Variants in ANKRD26 observed in about 807,000 individuals in gnomAD.
ANKRD26 encodes the protein ankyrin repeat domain-containing protein 26.
A neutral mutation model predicts 208.7 loss-of-function variants in ANKRD26; 141 were observed. The ratio of observed to expected loss-of-function variants is 0.68; its 90% CI spans 0.59 to 0.78. ANKRD26 has a LOEUF of 0.78. Ranked by LOEUF, ANKRD26 falls within the 30% of genes least tolerant of loss-of-function variation. The probability of loss-of-function intolerance (pLI) is 0.00; values close to 1 mark genes in which losing one functional copy is unlikely to be tolerated. For missense variants in ANKRD26, 1,889 were observed against 1,938.7 expected, an observed-to-expected ratio of 0.97 and a Z score of 0.48; for synonymous variants, 636 against 660.4, an observed-to-expected ratio of 0.96 and a Z score of 0.57.
the ANKRD26 span, among the ~76,000 whole-genome samples, chr10:26,964,771 C>T: frequency 1.3e-5 from 2 of 152,164 alleles, no homozygotes; most frequent in Non-Finnish European, 2.9e-5. Context: ...TTAGGGGTGA[C>T]ATTTAAGGAT....
intron 22 of ANKRD26, 129 bp from the exon 23 acceptor site, chr10:27,037,452 C>T (rs1203775013): frequency 3.0e-6 from 3 of 999,090 alleles, no homozygotes; most frequent in African/African-American, 3.3e-5. Flanking sequence ...ACCTTTATTA[C>T]TCAAGAATTA....
At chr10:26,976,359 T>C (rs2052227077) in intron 5 of ANKRD26, among the ~76,000 whole-genome samples, 2 of 152,090 alleles carry the variant, frequency 1.3e-5, no homozygotes, top group Non-Finnish European at 2.9e-5. Context: ...GGATTACAGG[T>C]GCCCACCACC....
Position 27,035,599 on chromosome 10 carries a change from C to A in ANKRD26, c.2851G>T (p.Glu951Ter), listed in dbSNP as rs1291484492. 1.2e-6 allele frequency: 2 copies of A among 1,605,850 alleles called. No individual in the cohort carries two copies. Among genetic ancestry groups the A allele is most frequent in the African/African-American group, 2.7e-5 (2 of 74,344 alleles). The change falls in exon 24 of 34, where the codon GAA becomes TAA. Residue 951 changes from glutamate (E) to a stop codon, truncating the protein, a stop_gained. Transcript: ENST00000376087. LOFTEE classifies it high-confidence loss of function. ...GTCTTCTGAAGGTCTTCATTCTTTT[C>A]TTTTACAATTTTAAGGTCCTCAAAA... ...KCFEDLKIVK[E>*]KNEDLQKTIK...
At chr10:26,970,751 G>C (rs1330546716), downstream of ANKRD26, among the ~76,000 whole-genome samples, 4 of 152,140 alleles carry the variant, frequency 2.6e-5, no homozygotes, top group Non-Finnish European at 5.9e-5. Context: ...TAGATTAAAA[G>C]GTTCAAGGAA....
chr10:27,002,279 T>C (rs145830226), downstream of ANKRD26, among the ~76,000 whole-genome samples: 73 of 152,226 alleles, frequency 4.8e-4, no homozygotes, highest in Middle Eastern at 3.4e-3. Context: ...CACAAGAGGA[T>C]TGAACAAATC....
intron 9 of ANKRD26, among the ~76,000 whole-genome samples, chr10:27,072,689 GCA>G (rs1283133767): frequency 2.6e-5 from 4 of 152,198 alleles, no homozygotes; most frequent in African/African-American, 9.6e-5. Context: ...CACAACGTCT[GCA>G]AGCACAATGA....
chr10:27,022,788 G>A (rs1274315117), intron 28 of ANKRD26, 101 bp from the exon 29 acceptor site: 1 of 1,080,698 alleles, frequency 9.3e-7, no homozygotes, highest in Middle Eastern at 2.7e-4. Context: ...AAAAACAAAT[G>A]AATCATGATT....
chr10:27,052,199 GTTAAAC>G (rs1437400488), intron 16 of ANKRD26: 1 of 971,212 alleles, frequency 1.0e-6, no homozygotes, highest in African/African-American at 1.8e-5. Context: ...AAATTCAACT[GTTAAAC>G]TTAGTCTATG....
rs749332341 is a variant in ANKRD26 at position 27,029,341 on chromosome 10, C to A, written c.3823G>T (p.Asp1275Tyr). The A allele has an allele frequency of 5.0e-6, 8 of 1,612,398 alleles. No homozygotes were observed. Among genetic ancestry groups the A allele is most frequent in the Non-Finnish European group, 5.9e-6 (7 of 1,179,134 alleles). Reference protein sequence around the residue: ...QIRNQLQEAQDRHTEAVRCAE... With the variant: ...QIRNQLQEAQYRHTEAVRCAE... ...CATCTGACAGCTTCTGTATGTCGAT[C>A]CTGTGCTTCTTGCAACTAAAACAAA... is the stretch of plus-strand genomic sequence containing the variant. The change falls in exon 26 of 34, where the codon GAT becomes TAT. Residue 1275 changes from aspartate to tyrosine, a missense_variant. Coordinates refer to ENST00000376087, the MANE Select transcript of ANKRD26 (RefSeq NM_014915.3).
chr10:27,100,484 C>T lies in ANKRD26; in HGVS notation c.-158G>A, dbSNP rs1443566100. ...CCTCCGGGTTACCAAGCAAGCGATCCCGCTAGACACAAGTGCGCATGCGCA... is the reference window on the plus strand; with the variant it reads ...CCTCCGGGTTACCAAGCAAGCGATCTCGCTAGACACAAGTGCGCATGCGCA... On this transcript the variant is annotated 5_prime_UTR_variant, in exon 1 of 34. Coordinates refer to ENST00000376087, the MANE Select transcript of ANKRD26 (RefSeq NM_014915.3). 4 of 1,140,514 alleles carry T rather than the reference C, an allele frequency of 3.5e-6. No homozygotes were observed. The highest frequency in any genetic ancestry group is 4.8e-6 in the Non-Finnish European group (4 of 825,908). 70.6% of individuals were successfully genotyped at this position (1,140,514 alleles called of 1,614,324 possible).
intron 5 of ANKRD26, among the ~76,000 whole-genome samples, chr10:27,084,024 G>A (rs927683793): frequency 1.3e-5 from 2 of 151,916 alleles, no homozygotes; most frequent in Non-Finnish European, 1.5e-5. Flanking sequence ...ACCAGCCTGA[G>A]CAACATGGAG....
the ANKRD26 span, among the ~76,000 whole-genome samples, chr10:26,960,054 C>G: frequency 6.6e-6 from 1 of 151,474 alleles, no homozygotes; most frequent in Admixed American, 6.6e-5. Flanking sequence ...TTCAGCTACT[C>G]AAGAAGCTGA....
chr10:26,948,264 A>C, the ANKRD26 span, among the ~76,000 whole-genome samples: 2 of 152,344 alleles, frequency 1.3e-5, no homozygotes, highest in African/African-American at 2.4e-5. Context: ...GAAATTCATC[A>C]GGGTCCTGGG....
At chr10:27,072,900 C>T (rs1260058849) in intron 9 of ANKRD26, among the ~76,000 whole-genome samples, 1 of 152,214 alleles carries the variant, frequency 6.6e-6, no homozygotes, top group East Asian at 1.9e-4. Context: ...CCTTCCCACC[C>T]TATCAGAGCA....
In ANKRD26 at chr10:27,034,780, C is replaced by T. The variant is rs920909633; in HGVS notation, c.3654+16G>A. The T allele has an allele frequency of 3.2e-6, 5 of 1,557,116 alleles. No individual in the cohort carries two copies. The African/African-American group carries it at 6.8e-5, about 21-fold the overall frequency. ...TTCAGGAGGTTTGAAAAATATTTAT[C>T]TTTCTTGATACTTACTTCTCTTTCT... is the stretch of plus-strand genomic sequence containing the variant. On this transcript the variant is annotated intron_variant, in intron 24 of 33. Transcript: ENST00000376087.
At chr10:26,964,317 T>C in the ANKRD26 span, among the ~76,000 whole-genome samples, 4 of 152,298 alleles carry the variant, frequency 2.6e-5, no homozygotes, top group East Asian at 1.9e-4. Context: ...CACTCCAGAC[T>C]GATTTTTAAG....
the ANKRD26 span, among the ~76,000 whole-genome samples, chr10:26,961,411 T>C: frequency 2.0e-5 from 3 of 152,184 alleles, no homozygotes; most frequent in African/African-American, 7.2e-5. Context: ...ATGACTTCCA[T>C]AGAGCAAAGT....
At chr10:27,093,239 C>T (rs1418603805) in intron 3 of ANKRD26, 110 bp downstream of exon 3, 7 of 997,438 alleles carry the variant, frequency 7.0e-6, no homozygotes, top group Non-Finnish European at 1.1e-5. Flanking sequence ...AAAATACTTT[C>T]AGTCAGGGAA....
At position 27,035,403 on chromosome 10, in the gene ANKRD26, G is replaced by A; in HGVS notation, c.3047C>T (p.Ala1016Val). 1 of 1,613,846 alleles carries A rather than the reference G, an allele frequency of 6.2e-7. No individual in the cohort carries two copies. Among genetic ancestry groups the A allele is most frequent in the African/African-American group, 1.3e-5 (1 of 75,008 alleles). The change falls in exon 24 of 34, where the codon GCT becomes GTT. Residue 1016 changes from alanine (A) to valine (V), a missense_variant. Around this residue, in one of 3 missense-constraint regions of ANKRD26, gnomAD observed 1,272 missense variants for 1,273.8 expected, o/e 1.00. Coordinates refer to ENST00000376087, the MANE Select transcript of ANKRD26 (RefSeq NM_014915.3). The part of the protein sequence containing the change: ...VESYHSRLAA[A>V]IHDRDQSETS... ...CTCACTTTGATCACGATCATGTATAGCAGCAGCCAATCTAGAATGGTATGA... is the reference window on the plus strand; with the variant it reads ...CTCACTTTGATCACGATCATGTATAACAGCAGCCAATCTAGAATGGTATGA...
Sources: gnomAD v4.1 joint callset for allele counts (sites outside exome capture counted in the v4.1 genomes callset) on GRCh38, gnomAD v4.1.1 for gene constraint, gnomAD v4.1.1 regional missense constraint, MANE v1.5 for transcripts, NCBI Gene and HGNC (gene_info 2026-07-23, HGNC 2026-07-21) for gene names.